The following AHI1 variants were observed in gnomAD, a reference collection of about 807,000 sequenced individuals.
The protein encoded by AHI1 is Abelson helper integration site 1.
Under a neutral mutation model 149.3 loss-of-function variants are expected in AHI1, and 123 were observed. That is an observed-to-expected ratio of 0.82 (90% confidence interval 0.71 to 0.96). The LOEUF (loss-of-function observed/expected upper bound fraction) is 0.96. AHI1 is among the 40% of genes least tolerant of loss of function. The pLI is 0.00. For missense variants in AHI1, 1,439 were observed against 1,422.7 expected, an observed-to-expected ratio of 1.01 and a Z score of -0.18; for synonymous variants, 475 against 459.8, an observed-to-expected ratio of 1.03 and a Z score of -0.42.
chr6:135,295,722 A>C (rs1300836046), intron 27 of AHI1, among the ~76,000 whole-genome samples: 2 of 152,230 alleles, frequency 1.3e-5, no homozygotes, highest in East Asian at 3.8e-4. Context: ...GAAGGGAAGA[A>C]AGATGTAGGA....
intron 13 of AHI1, among the ~76,000 whole-genome samples, chr6:135,444,705 T>C: frequency 6.6e-6 from 1 of 152,222 alleles, no homozygotes; most frequent in East Asian, 1.9e-4. Context: ...AAAAATAAAA[T>C]AAAAGTAACT....
At chr6:135,492,764 GAGA>G (rs771383476) in intron 3 of AHI1, 18 of 985,212 alleles carry the variant, frequency 1.8e-5, no homozygotes, top group Non-Finnish European at 2.0e-5. Flanking sequence ...TGCTACAATA[GAGA>G]AGGATAGTAC....
intron 24 of AHI1, among the ~76,000 whole-genome samples, chr6:135,342,965 G>A (rs545121932): frequency 1.1e-4 from 16 of 150,216 alleles, no homozygotes; most frequent in African/African-American, 1.5e-4. Flanking sequence ...AAAGGCACCC[G>A]GATCGGAAAG....
intron 5 of AHI1, among the ~76,000 whole-genome samples, chr6:135,486,172 G>A (rs1029676749): frequency 4.6e-5 from 7 of 152,056 alleles, no homozygotes; most frequent in Non-Finnish European, 7.4e-5. Flanking sequence ...AAACAGTTAC[G>A]ATGAAAAGAC....
chr6:135,421,136 G>GT (rs1357895067), intron 20 of AHI1, among the ~76,000 whole-genome samples: 1 of 152,078 alleles, frequency 6.6e-6, no homozygotes, highest in African/African-American at 2.4e-5. Flanking sequence ...TCTTATATGG[G>GT]TACAGTTTGT....
intron 26 of AHI1, among the ~76,000 whole-genome samples, chr6:135,305,409 A>G (rs563522975): frequency 1.3e-5 from 2 of 152,362 alleles, no homozygotes; most frequent in South Asian, 4.1e-4. Context: ...ATGAGTTTTC[A>G]GCAAATCTCT....
At chr6:135,298,894 C>T (rs757339229) in intron 27 of AHI1, among the ~76,000 whole-genome samples, 5 of 151,792 alleles carry the variant, frequency 3.3e-5, no homozygotes, top group African/African-American at 7.3e-5. Flanking sequence ...TTTTCATTTG[C>T]GTAATATTAA....
chr6:135,383,595 T>C (rs1157605135), intron 23 of AHI1, among the ~76,000 whole-genome samples: 1 of 151,930 alleles, frequency 6.6e-6, no homozygotes, highest in East Asian at 1.9e-4. Context: ...TCAGCCAGAA[T>C]GGAATACTCA....
rs1365370705 is a variant in AHI1 at position 135,431,321 on chromosome 6, A to T, written c.2267-7T>A. 6.5e-7 allele frequency: 1 copy of T among 1,543,518 alleles called. No homozygotes were observed. ...CCTGAATACATATGATGACCTATTT[A>T]AAAAAATAAGATCACTCACTTATGA... On this transcript the variant is annotated splice_polypyrimidine_tract_variant and splice_region_variant and intron_variant, in intron 16 of 28. Transcript: ENST00000265602.
chr6:135,327,967 T>A (rs561456301), intron 24 of AHI1, among the ~76,000 whole-genome samples: 57 of 152,290 alleles, frequency 3.7e-4, no homozygotes, highest in African/African-American at 1.3e-3. Context: ...TATAAGTAAG[T>A]GTTTCCCTGA....
chr6:135,496,338 G>T (rs1259901052), intron 2 of AHI1, among the ~76,000 whole-genome samples: 4 of 152,082 alleles, frequency 2.6e-5, no homozygotes, highest in African/African-American at 9.7e-5. Context: ...GGCTGATACT[G>T]AACTCCTGAC....
intron 5 of AHI1, among the ~76,000 whole-genome samples, chr6:135,470,552 C>A (rs1485933224): frequency 1.3e-5 from 2 of 152,070 alleles, no homozygotes; most frequent in African/African-American, 4.8e-5. Context: ...ATAGCAAAGA[C>A]ATGGAATCAA....
intron 24 of AHI1, among the ~76,000 whole-genome samples, chr6:135,350,372 T>C (rs776292805): frequency 1.3e-5 from 2 of 152,196 alleles, no homozygotes; most frequent in Non-Finnish European, 2.9e-5. Context: ...TTTGTCTTCT[T>C]TGAGGGCTCT....
rs548914528 is a variant in AHI1, at chr6:135,283,872, G to A, written c.*1773C>T. 1 of 152,132 alleles carries A rather than the reference G, an allele frequency of 6.6e-6. No homozygotes were observed. Among genetic ancestry groups the A allele is most frequent in the South Asian group, 2.1e-4 (1 of 4,816 alleles). The allele number at this position is 152,132 out of a possible 1,614,324, so 9.4% of individuals were successfully genotyped here. A position where few individuals can be genotyped will look rare whatever the true frequency, so the allele number is the denominator to read the frequency against. On this transcript the variant is annotated 3_prime_UTR_variant, in exon 29 of 29. Transcript: ENST00000265602. ...TATAAACATCAAGAGCTTAGCAAAT[G>A]CTTAGCTCCCCCTGACATATTTTTC...
chr6:135,322,023 G>A (rs773972868), intron 25 of AHI1, among the ~76,000 whole-genome samples: 98 of 152,228 alleles, frequency 6.4e-4, no homozygotes, highest in Non-Finnish European at 1.1e-3. Flanking sequence ...GGCTGGTCTC[G>A]AACTCCTGAC....
At chr6:135,304,779 G>T (rs894059679) in intron 26 of AHI1, among the ~76,000 whole-genome samples, 1 of 152,178 alleles carries the variant, frequency 6.6e-6, no homozygotes, top group Non-Finnish European at 1.5e-5. Context: ...TCCAAAAAGT[G>T]AAGACCATCC....
intron 23 of AHI1, among the ~76,000 whole-genome samples, chr6:135,379,246 T>C (rs2128465395): frequency 6.6e-6 from 1 of 152,316 alleles, no homozygotes; most frequent in South Asian, 2.1e-4. Flanking sequence ...TTTTCATTTA[T>C]GGATTGCTAT....
chr6:135,354,565 A>G (rs897165106), intron 24 of AHI1, among the ~76,000 whole-genome samples: 1 of 152,140 alleles, frequency 6.6e-6, no homozygotes, highest in African/African-American at 2.4e-5. Flanking sequence ...CATTTAAAGT[A>G]AATACAGGAC....
intron 25 of AHI1, among the ~76,000 whole-genome samples, chr6:135,319,432 G>A (rs931904195): frequency 5.9e-5 from 9 of 152,102 alleles, no homozygotes; most frequent in Admixed American, 4.6e-4. Context: ...CCAAGACAGC[G>A]CCACTGCACT....
Sources: gnomAD v4.1 joint callset for allele counts (sites outside exome capture counted in the v4.1 genomes callset) on GRCh38, gnomAD v4.1.1 for gene constraint, MANE v1.5 for transcripts, NCBI Gene and HGNC (gene_info 2026-07-23, HGNC 2026-07-21) for gene names.